ELOVL5: variants seen among roughly 807,000 people sequenced by gnomAD.
ELOVL5 encodes ELOVL fatty acid elongase 5, also known as very long chain fatty acid elongase 5.
ELOVL5 carries 8 observed loss-of-function variants against 38.6 expected under a neutral mutation model. That is an observed-to-expected ratio of 0.21 (90% CI 0.12 to 0.37). The LOEUF (loss-of-function observed/expected upper bound fraction) is 0.37, where lower values mean the gene tolerates loss of function less well. Among genes scored for constraint, ELOVL5 ranks in the 10% least tolerant of loss-of-function variants. The probability of loss-of-function intolerance (pLI) is 1.00; values close to 1 mark genes in which losing one functional copy is unlikely to be tolerated. For synonymous variants in ELOVL5, 127 were observed against 133.7 expected (o/e 0.95, Z 0.34); for missense variants, 280 against 367.8 (o/e 0.76, Z 1.95).
intron 1 of ELOVL5, among the ~76,000 whole-genome samples, chr6:53,303,465 T>C (rs1486208932): frequency 1.3e-5 from 2 of 152,160 alleles, no homozygotes; most frequent in Non-Finnish European, 2.9e-5. Flanking sequence ...CTTTCTAACC[T>C]CCATTCTAAG....
chr6:53,326,668 C>A (rs750158663), intron 1 of ELOVL5, among the ~76,000 whole-genome samples: 1 of 152,186 alleles, frequency 6.6e-6, no homozygotes, highest in African/African-American at 2.4e-5. Flanking sequence ...ACTCCAAATA[C>A]AAATTATTTA....
chr6:53,278,002 G>C (rs1766205728), intron 3 of ELOVL5, among the ~76,000 whole-genome samples: 1 of 152,184 alleles, frequency 6.6e-6, no homozygotes. Context: ...AACGCAGTAA[G>C]GTTTTCATGA....
At chr6:53,303,511 A>G (rs1581953206) in intron 1 of ELOVL5, among the ~76,000 whole-genome samples, 1 of 152,150 alleles carries the variant, frequency 6.6e-6, no homozygotes, top group Non-Finnish European at 1.5e-5. Flanking sequence ...TGATAAAGTC[A>G]TTTTTCCTGC....
chr6:53,269,713 G>A (rs1209255534), intron 7 of ELOVL5, among the ~76,000 whole-genome samples: 3 of 152,202 alleles, frequency 2.0e-5, no homozygotes, highest in Non-Finnish European at 4.4e-5. Context: ...AAAGTGCTAT[G>A]CTGCTATAAG....
chr6:53,305,136 G>A (rs1209700874), intron 1 of ELOVL5, among the ~76,000 whole-genome samples: 4 of 149,882 alleles, frequency 2.7e-5, no homozygotes, highest in African/African-American at 7.4e-5. Flanking sequence ...CAGACGGGGC[G>A]GCTCGCCGGG....
chr6:53,281,556 G>A (rs955317675), intron 3 of ELOVL5, among the ~76,000 whole-genome samples: 2 of 152,154 alleles, frequency 1.3e-5, no homozygotes, highest in African/African-American at 4.8e-5. Flanking sequence ...GTAAGAACAT[G>A]GTAGGGATAC....
At chr6:53,289,621 G>A (rs746474073) in intron 3 of ELOVL5, among the ~76,000 whole-genome samples, 9 of 152,162 alleles carry the variant, frequency 5.9e-5, no homozygotes, top group East Asian at 1.9e-4. Flanking sequence ...TAGGGAGGCT[G>A]AGGCAAGAGA....
At chr6:53,286,701 A>G (rs1342145733) in intron 3 of ELOVL5, among the ~76,000 whole-genome samples, 1 of 152,260 alleles carries the variant, frequency 6.6e-6, no homozygotes. Flanking sequence ...TATAATTAAC[A>G]TAATTATAAT....
At chr6:53,300,217 A>C (rs1176987597) in intron 1 of ELOVL5, among the ~76,000 whole-genome samples, 1 of 152,156 alleles carries the variant, frequency 6.6e-6, no homozygotes, top group Non-Finnish European at 1.5e-5. Flanking sequence ...ACAGGTTACT[A>C]AGAGACACCT....
Position 53,291,919 on chromosome 6 carries a change from T to G in ELOVL5, c.103A>C (p.Thr35Pro). Residue 35 changes from threonine (T) to proline (P), a missense_variant, in exon 3 of 8, where the codon ACA (threonine) becomes CCA (proline). By Grantham distance (38) the Thr-to-Pro change is conservative. Transcript: ENST00000304434. ...AAATATATGACAGAGCAGATAAATG[T>G]GGGTATATAATTGTCCAGAAGAAAC... Reference protein sequence around the residue: ...GWFLLDNYIPTFICSVIYLLI... With the variant: ...GWFLLDNYIPPFICSVIYLLI... 5.6e-6 allele frequency: 9 copies of G among 1,610,144 alleles called. 1 individual carries two copies. The highest frequency in any genetic ancestry group is 7.6e-6 in the Non-Finnish European group (9 of 1,177,100).
At chr6:53,343,964 A>G (rs745454486) in intron 1 of ELOVL5, among the ~76,000 whole-genome samples, 6 of 152,194 alleles carry the variant, frequency 3.9e-5, no homozygotes, top group African/African-American at 7.2e-5. Context: ...CTCACCAGGG[A>G]AAAGTGTAGG....
chr6:53,328,136 C>T (rs1249942456), intron 1 of ELOVL5, among the ~76,000 whole-genome samples: 6 of 152,114 alleles, frequency 3.9e-5, no homozygotes, highest in African/African-American at 1.4e-4. Context: ...AAAGAAACTG[C>T]CAGATACCTT....
chr6:53,276,374 G>T, intron 3 of ELOVL5, 118 bp from the exon 4 acceptor site: 1 of 674,060 alleles, frequency 1.5e-6, no homozygotes, highest in Non-Finnish European at 2.6e-6. Context: ...AGCCAAGTTT[G>T]CTCTGAGAAA....
rs116080936 is a variant in ELOVL5 at position 53,300,446 on chromosome 6, G to A, written c.-8-4739C>T. 4.5e-3 allele frequency among the ~76,000 whole-genome samples: 674 copies of A among 149,508 alleles called. 8 individuals carry two copies. Among genetic ancestry groups the A allele is most frequent in the African/African-American group, 0.016 (644 of 39,698 alleles). On this transcript the variant is annotated intron_variant, in intron 1 of 7. Coordinates refer to ENST00000304434, the MANE Select transcript of ELOVL5 (RefSeq NM_021814.5). Reference sequence around the variant, plus strand: ...ACAGACAGAAACACACGTACAATACGATATGCAAAATAACTGTTAGCAAAA... The same window carrying A: ...ACAGACAGAAACACACGTACAATACAATATGCAAAATAACTGTTAGCAAAA...
In ELOVL5 at chr6:53,324,691, A is replaced by AAAAAAAAAAAAAAAAAC. The variant is rs70980840; in HGVS notation, c.-9+24125_-9+24126insGTTTTTTTTTTTTTTTT. Among the ~76,000 whole-genome samples, 9 of 118,104 alleles carry AAAAAAAAAAAAAAAAAC rather than the reference A, an allele frequency of 7.6e-5. 2 individuals are homozygous for AAAAAAAAAAAAAAAAAC. The highest frequency in any genetic ancestry group is 2.8e-4 in the South Asian group (1 of 3,556). The allele number at this position is 118,104 out of a possible 152,430, so 77.5% of individuals were successfully genotyped here. On this transcript the variant is annotated intron_variant, in intron 1 of 7. Transcript: ENST00000304434. ...TCCTGTCAAAAAAAAAAAAAAAAAA[A>AAAAAAAAAAAAAAAAAC]GGAAAAGAAATAGAATCAGGAAGGA...
intron 3 of ELOVL5, among the ~76,000 whole-genome samples, chr6:53,285,462 A>G (rs978608719): frequency 6.6e-6 from 1 of 152,256 alleles, no homozygotes; most frequent in East Asian, 1.9e-4. Flanking sequence ...AGTCATCTCC[A>G]TAACACAAAA....
At chr6:53,327,782 G>A (rs1467836997) in intron 1 of ELOVL5, among the ~76,000 whole-genome samples, 1 of 152,038 alleles carries the variant, frequency 6.6e-6, no homozygotes, top group African/African-American at 2.4e-5. Context: ...CTTATACTCT[G>A]GATCTTTTCC....
intron 1 of ELOVL5, among the ~76,000 whole-genome samples, chr6:53,322,667 C>A (rs1007481302): frequency 5.9e-5 from 9 of 152,146 alleles, no homozygotes; most frequent in Admixed American, 5.9e-4. Flanking sequence ...GCATTAAAAT[C>A]CTCACGAGGA....
chr6:53,348,905 A>G lies in ELOVL5; in HGVS notation c.-97T>C, dbSNP rs767448086. 4.4e-6 allele frequency: 2 copies of G among 451,728 alleles called. No homozygotes were observed. Among genetic ancestry groups the G allele is most frequent in the Admixed American group, 2.4e-5 (1 of 42,122 alleles). 28.0% of individuals were successfully genotyped at this position (451,728 alleles called of 1,614,324 possible). A position where few individuals can be genotyped will look rare whatever the true frequency, so the allele number is the denominator to read the frequency against. On this transcript the variant is annotated 5_prime_UTR_variant, in exon 1 of 8. Coordinates refer to ENST00000304434, the MANE Select transcript of ELOVL5 (RefSeq NM_021814.5). ...CGGGTGGCAGCCGGCGCAGAGGCGG[A>G]TGTAGAAGGAGACACCGGTGGCTAG...
Sources: allele counts gnomAD v4.1 joint callset (sites outside exome capture counted in the v4.1 genomes callset), GRCh38; gene constraint gnomAD v4.1.1; transcripts MANE v1.5; gene names NCBI Gene and HGNC (gene_info 2026-07-23, HGNC 2026-07-21).